Variants in SLC14A2 observed in about 807,000 individuals in gnomAD.
The protein encoded by SLC14A2 is solute carrier family 14 member 2, also known as urea transporter 2.
A neutral mutation model predicts 104.6 loss-of-function variants in SLC14A2; 91 were observed. The ratio of observed to expected loss-of-function variants is 0.87; its 90% CI spans 0.73 to 1.04. SLC14A2 has a LOEUF of 1.04. SLC14A2 is among the 50% of genes least tolerant of loss of function. The pLI, the probability that SLC14A2 is intolerant of heterozygous loss-of-function variation, is 0.00. For synonymous variants in SLC14A2, 476 were observed against 466.4 expected, an observed-to-expected ratio of 1.02 and a Z score of -0.27; for missense variants, 1,189 against 1,156.0, an observed-to-expected ratio of 1.03 and a Z score of -0.41.
chr18:45,621,107 T>C (rs2045160115), intron 1 of SLC14A2, among the ~76,000 whole-genome samples: 1 of 152,182 alleles, frequency 6.6e-6, no homozygotes, highest in Non-Finnish European at 1.5e-5. Context: ...ATGGTTGGCT[T>C]GGAGGGAAAT....
intron 2 of SLC14A2, among the ~76,000 whole-genome samples, chr18:45,590,374 C>T (rs2044631340): frequency 6.6e-6 from 1 of 152,158 alleles, no homozygotes; most frequent in African/African-American, 2.4e-5. Flanking sequence ...TGAAATGGTC[C>T]ATCCTAAAGA....
chr18:45,198,202 T>C, the SLC14A2 span, among the ~76,000 whole-genome samples: 1 of 152,110 alleles, frequency 6.6e-6, no homozygotes, highest in African/African-American at 2.4e-5. Flanking sequence ...TAGAAAAACA[T>C]AAGGTATGCA....
chr18:45,375,361 G>A (rs2085762626), intron 1 of SLC14A2, among the ~76,000 whole-genome samples: 3 of 152,134 alleles, frequency 2.0e-5, no homozygotes, highest in South Asian at 2.1e-4. Context: ...CCCTGCATGG[G>A]ATGGATCAGC....
chr18:45,314,373 C>T (rs538399684), intron 1 of SLC14A2, among the ~76,000 whole-genome samples: 3 of 152,174 alleles, frequency 2.0e-5, no homozygotes, highest in Admixed American at 1.3e-4. Flanking sequence ...AGAGATTGTG[C>T]CTGTCCTCAG....
chr18:45,173,417 A>G, the SLC14A2 span, among the ~76,000 whole-genome samples: 7 of 152,072 alleles, frequency 4.6e-5, no homozygotes, highest in Non-Finnish European at 1.0e-4. Context: ...TCATCATGCA[A>G]GTAAGAGCCA....
chr18:45,243,362 T>C (rs955063860), intron 1 of SLC14A2, among the ~76,000 whole-genome samples: 1 of 152,180 alleles, frequency 6.6e-6, no homozygotes, highest in Non-Finnish European at 1.5e-5. Flanking sequence ...ATTTTACAGA[T>C]AAAGAAGCAG....
intron 1 of SLC14A2, among the ~76,000 whole-genome samples, chr18:45,336,783 T>G (rs2085342032): frequency 6.6e-6 from 1 of 152,208 alleles, no homozygotes; most frequent in Non-Finnish European, 1.5e-5. Context: ...ATCTACAGCC[T>G]GGAATTCAGC....
intron 1 of SLC14A2, among the ~76,000 whole-genome samples, chr18:45,387,864 A>G (rs868715220): frequency 1.3e-5 from 2 of 152,200 alleles, no homozygotes; most frequent in Non-Finnish European, 2.9e-5. Flanking sequence ...TCAAAAATGC[A>G]TGAAAGCCGG....
the SLC14A2 span, among the ~76,000 whole-genome samples, chr18:45,175,390 T>G: frequency 1.1e-4 from 17 of 151,002 alleles, no homozygotes; most frequent in African/African-American, 3.6e-4. Context: ...ATTTAGTGAT[T>G]TGAAATGTAG....
intron 1 of SLC14A2, among the ~76,000 whole-genome samples, chr18:45,433,123 A>G (rs534449325): frequency 1.3e-5 from 2 of 152,120 alleles, no homozygotes; most frequent in Non-Finnish European, 2.9e-5. Flanking sequence ...CTCAATATGG[A>G]TTAGATAGAC....
chr18:45,491,450 A>G (rs1356470325), intron 2 of SLC14A2, among the ~76,000 whole-genome samples: 1 of 152,232 alleles, frequency 6.6e-6, no homozygotes, highest in Non-Finnish European at 1.5e-5. Context: ...CAAGTTCAAG[A>G]GAATGCCTTT....
intron 1 of SLC14A2, among the ~76,000 whole-genome samples, chr18:45,346,846 C>A (rs1268533348): frequency 6.6e-6 from 1 of 151,984 alleles, no homozygotes; most frequent in African/African-American, 2.4e-5. Flanking sequence ...CCTGTAATCC[C>A]AGCTACTTGG....
At chr18:45,505,992 G>C (rs1421884093) in intron 2 of SLC14A2, among the ~76,000 whole-genome samples, 2 of 152,130 alleles carry the variant, frequency 1.3e-5, no homozygotes, top group Non-Finnish European at 2.9e-5. Flanking sequence ...GCACCTTCTT[G>C]AAAAAGATGT....
intron 1 of SLC14A2, among the ~76,000 whole-genome samples, chr18:45,421,418 A>G (rs2086346979): frequency 6.6e-6 from 1 of 152,212 alleles, no homozygotes; most frequent in African/African-American, 2.4e-5. Context: ...TTGGGAACAA[A>G]CACAATTGAT....
chr18:45,633,983 T>C (rs2045382016), intron 5 of SLC14A2, among the ~76,000 whole-genome samples: 1 of 152,204 alleles, frequency 6.6e-6, no homozygotes, highest in Non-Finnish European at 1.5e-5. Flanking sequence ...TCATTTGCAA[T>C]ACATTTGGTT....
chr18:45,281,788 T>G (rs1378358361), intron 1 of SLC14A2, among the ~76,000 whole-genome samples: 1 of 152,194 alleles, frequency 6.6e-6, no homozygotes. Context: ...TTTCTGTTAA[T>G]GTGAAACACT....
At chr18:45,609,902 T>C (rs955733096) in intron 2 of SLC14A2, among the ~76,000 whole-genome samples, 12 of 152,226 alleles carry the variant, frequency 7.9e-5, no homozygotes, top group African/African-American at 2.9e-4. Flanking sequence ...ACTGAGGTGC[T>C]TGCCATTTCC....
chr18:45,656,523 A>G (rs1390649621), intron 10 of SLC14A2, among the ~76,000 whole-genome samples: 1 of 152,212 alleles, frequency 6.6e-6, no homozygotes, highest in Non-Finnish European at 1.5e-5. Flanking sequence ...CTAAGAATGG[A>G]TTGAAAGAGG....
rs139810364 is a variant in SLC14A2 at position 45,260,063 on chromosome 18, C to G, written c.-125+46872C>G. Among the ~76,000 whole-genome samples, 402 of 152,288 alleles carry G rather than the reference C, an allele frequency of 2.6e-3. 4 individuals are homozygous for G. The highest frequency in any genetic ancestry group is 9.2e-3 in the African/African-American group (383 of 41,556). On this transcript the variant is annotated intron_variant, in intron 1 of 20. Coordinates refer to the SLC14A2 transcript ENST00000586448. ...AGTTCAGGGAAGACCAGTTCTAGCA[C>G]TAGAGAATTTTCTATTTTCCAAGTT...
Sources: allele counts gnomAD v4.1 joint callset (sites outside exome capture counted in the v4.1 genomes callset), GRCh38; gene constraint gnomAD v4.1.1; transcripts MANE v1.5; gene names NCBI Gene and HGNC (gene_info 2026-07-23, HGNC 2026-07-21).